RPL14: variants seen among roughly 807,000 people sequenced by gnomAD.
RPL14 encodes ribosomal protein L14, also known as large ribosomal subunit protein eL14.
In RPL14, 4 loss-of-function variants were observed where a neutral mutation model predicts 25.3. That is an observed-to-expected ratio of 0.16 (90% CI 0.08 to 0.36). The LOEUF (loss-of-function observed/expected upper bound fraction) is 0.36. Ranked by LOEUF, RPL14 falls within the 10% of genes least tolerant of loss-of-function variation. The pLI is 1.00. For synonymous variants in RPL14, 75 were observed against 89.8 expected, an observed-to-expected ratio of 0.84 and a Z score of 0.93; for missense variants, 212 against 261.9, an observed-to-expected ratio of 0.81 and a Z score of 1.31.
chr3:40,458,104 AT>A, intron 2 of RPL14, 113 bp downstream of exon 2: 2 of 860,698 alleles, frequency 2.3e-6, no homozygotes, highest in Non-Finnish European at 3.8e-6. Flanking sequence ...TAGTCGCTTT[AT>A]TTTACCATTG....
chr3:40,459,858 C>CAAAAAAAAA lies in RPL14; in HGVS notation c.200+1136_200+1144dup, dbSNP rs10682822. Among the ~76,000 whole-genome samples the CAAAAAAAAA allele has an allele frequency of 1.9e-3, 173 of 90,942 alleles. 10 individuals are homozygous for CAAAAAAAAA. Among genetic ancestry groups the CAAAAAAAAA allele is most frequent in the African/African-American group, 7.8e-3 (165 of 21,248 alleles). 59.7% of individuals were successfully genotyped at this position (90,942 alleles called of 152,430 possible). A position where few individuals can be genotyped will look rare whatever the true frequency, so the allele number is the denominator to read the frequency against. On this transcript the variant is annotated intron_variant, in intron 3 of 5. Transcript: ENST00000396203. ...TGGGTGACAGAGCGAGACTCCGTTT[C>CAAAAAAAAA]AAAAAAAAAAAAAAAAAAAAAACTT...
rs763859368 is a variant in RPL14 at position 40,462,079 on chromosome 3, G to C, written c.495G>C (p.Lys165Asn). Residue 165 changes from lysine to asparagine, a missense_variant, in exon 6 of 6, where the codon AAG (lysine) becomes AAC (asparagine). Coordinates refer to ENST00000396203, the MANE Select transcript of RPL14 (RefSeq NM_001034996.3). ...CTGCTGCTAAAGTTCCAGCAAAAAAGATCACCGCCGCGAGTAAAAAGGCTC... is the reference window on the plus strand; with the variant it reads ...CTGCTGCTAAAGTTCCAGCAAAAAACATCACCGCCGCGAGTAAAAAGGCTC... ...AAAAAKVPAK[K>N]ITAASKKAPA... The C allele has an allele frequency of 1.3e-6, 2 of 1,523,788 alleles. No individual in the cohort carries two copies. The highest frequency in any genetic ancestry group is 1.8e-6 in the Non-Finnish European group (2 of 1,122,526). 94.4% of individuals were successfully genotyped at this position (1,523,788 alleles called of 1,614,324 possible). A position where few individuals can be genotyped will look rare whatever the true frequency, so the allele number is the denominator to read the frequency against.
At chr3:40,459,574 G>A (rs1038085556) in intron 3 of RPL14, among the ~76,000 whole-genome samples, 1 of 152,100 alleles carries the variant, frequency 6.6e-6, no homozygotes, top group East Asian at 1.9e-4. Context: ...GCTGTATGTT[G>A]GCCGGGCGCG....
At chr3:40,458,560 G>A (rs41485644) in intron 2 of RPL14, 82 bp from the exon 3 acceptor site, 39,374 of 1,061,604 alleles carry the variant, frequency 0.037, 852 homozygotes, top group Non-Finnish European at 0.045. Flanking sequence ...GGCCCTGAAC[G>A]GATAAGTAAT....
intron 2 of RPL14, 138 bp downstream of exon 2, chr3:40,458,129 T>C (rs1359454239): frequency 1.4e-6 from 1 of 711,802 alleles, no homozygotes; most frequent in African/African-American, 1.8e-5. Flanking sequence ...AAACAGGTAA[T>C]GGTACGGGTT....
chr3:40,463,849 C>T lies in RPL14; in HGVS notation c.*1617C>T, dbSNP rs1434538239. ...TCCTAAGTGTTTCAGATAAGAGATA[C>T]TTATCCTGTGTATAGTAGGTTGGAC... On this transcript the variant is annotated 3_prime_UTR_variant, in exon 6 of 6. Coordinates refer to ENST00000396203, the MANE Select transcript of RPL14 (RefSeq NM_001034996.3). 2 of 152,668 alleles carry T rather than the reference C, an allele frequency of 1.3e-5. No individual in the cohort carries two copies. Among genetic ancestry groups the T allele is most frequent in the African/African-American group, 2.4e-5 (1 of 41,434 alleles). The allele number at this position is 152,668 out of a possible 1,614,324, so 9.5% of individuals were successfully genotyped here.
At position 40,462,487 on chromosome 3, in the gene RPL14, C is replaced by T; in HGVS notation, c.*255C>T. The T allele has an allele frequency of 6.0e-6, 2 of 332,678 alleles. No homozygotes were observed. The highest frequency in any genetic ancestry group is 4.7e-5 in the South Asian group (1 of 21,112). The allele number at this position is 332,678 out of a possible 1,614,324, so 20.6% of individuals were successfully genotyped here. ...CACCTCCCGGGTTCATGCCATTCTC[C>T]TGCCTCAGCCTCCTGAGCAGCTGGG... On this transcript the variant is annotated 3_prime_UTR_variant, in exon 6 of 6. Coordinates refer to ENST00000396203, the MANE Select transcript of RPL14 (RefSeq NM_001034996.3).
At chr3:40,461,149 T>C (rs1696930702) in intron 3 of RPL14, among the ~76,000 whole-genome samples, 1 of 151,868 alleles carries the variant, frequency 6.6e-6, no homozygotes, top group African/African-American at 2.4e-5. Context: ...TGAGCCATGA[T>C]CATACTATTG....
chr3:40,459,622 G>C (rs1013440612), intron 3 of RPL14, among the ~76,000 whole-genome samples: 1 of 152,178 alleles, frequency 6.6e-6, no homozygotes, highest in East Asian at 1.9e-4. Context: ...TTGGAAGGCC[G>C]AGGCGGGTGG....
chr3:40,459,315 C>G (rs1696894721), intron 3 of RPL14, among the ~76,000 whole-genome samples: 1 of 152,152 alleles, frequency 6.6e-6, no homozygotes, highest in Admixed American at 6.5e-5. Context: ...AAGTAAACAA[C>G]AATACTAAGT....
rs1009601454 is a variant in RPL14 at position 40,462,346 on chromosome 3, T to C, written c.*114T>C. The C allele has an allele frequency of 2.8e-5, 26 of 927,766 alleles. No homozygotes were observed. The African/African-American group carries it at 3.7e-4, about 13-fold the overall frequency. The allele number at this position is 927,766 out of a possible 1,614,324, so 57.5% of individuals were successfully genotyped here. ...GTTAGGAGGCAGATTGATAGTAGGA[T>C]TATAATAAACATTAAATAATCAGTT... On this transcript the variant is annotated 3_prime_UTR_variant, in exon 6 of 6. Coordinates refer to ENST00000396203, the MANE Select transcript of RPL14 (RefSeq NM_001034996.3).
At chr3:40,458,615 C>T in intron 2 of RPL14, 27 bp from the exon 3 acceptor site, 1 of 1,594,222 alleles carries the variant, frequency 6.3e-7, no homozygotes, top group Non-Finnish European at 8.6e-7. Context: ...AGATTTTGCA[C>T]TGAAGTTCTT....
chr3:40,459,342 C>T (rs1043478481), intron 3 of RPL14, among the ~76,000 whole-genome samples: 1 of 152,176 alleles, frequency 6.6e-6, no homozygotes, highest in East Asian at 1.9e-4. Flanking sequence ...TTTATTGCTA[C>T]TAGCTATCAT....
intron 3 of RPL14, 186 bp downstream of exon 3, chr3:40,458,922 T>C: frequency 1.8e-6 from 1 of 557,344 alleles, no homozygotes; most frequent in East Asian, 3.2e-5. Flanking sequence ...ATGCCTGTAA[T>C]CCCAGTACTT....
chr3:40,460,638 G>C (rs1188136774), intron 3 of RPL14, among the ~76,000 whole-genome samples: 2 of 151,380 alleles, frequency 1.3e-5, no homozygotes, highest in Non-Finnish European at 2.9e-5. Context: ...TTTTGACACG[G>C]AGTCTCACTT....
chr3:40,461,575 G>A (rs1696937649), intron 4 of RPL14, 33 bp from the exon 5 acceptor site: 1 of 1,599,644 alleles, frequency 6.3e-7, no homozygotes, highest in South Asian at 1.1e-5. Context: ...GTGTGAGAGG[G>A]ATAATTTTTA....
intron 2 of RPL14, 176 bp from the exon 3 acceptor site, chr3:40,458,466 C>A: frequency 1.7e-6 from 1 of 598,206 alleles, no homozygotes; most frequent in Non-Finnish European, 3.0e-6. Flanking sequence ...TTGTGTTGAG[C>A]AAAAGACATA....
rs145080197 is a variant in RPL14 at position 40,464,685 on chromosome 3, G to T, written c.*2453G>T. On this transcript the variant is annotated 3_prime_UTR_variant, in exon 6 of 6. Coordinates refer to ENST00000396203, the MANE Select transcript of RPL14 (RefSeq NM_001034996.3). ...TATGGGATCAAGACTGGGAATGCTC[G>T]GGTTGGCAGTATGAAGTTTGGCAGT... 1 of 334,692 alleles carries T rather than the reference G, an allele frequency of 3.0e-6. No individual in the cohort carries two copies. Among genetic ancestry groups the T allele is most frequent in the Non-Finnish European group, 6.0e-6 (1 of 165,292 alleles). The allele number at this position is 334,692 out of a possible 1,614,324, so 20.7% of individuals were successfully genotyped here.
Position 40,461,392 on chromosome 3 carries a change from C to G in RPL14, c.201-15C>G. 1 of 1,611,386 alleles carries G rather than the reference C, an allele frequency of 6.2e-7. No homozygotes were observed. The highest frequency in any genetic ancestry group is 1.3e-5 in the African/African-American group (1 of 74,974). On this transcript the variant is annotated splice_polypyrimidine_tract_variant and intron_variant, in intron 3 of 5. Transcript: ENST00000396203. ...CAAAGCTGATTTCTTAATCTGTGGT[C>G]TTGGCTCGTTCTAGTGCCCACCAGA...
Sources: gnomAD v4.1 joint callset for allele counts (sites outside exome capture counted in the v4.1 genomes callset) on GRCh38, gnomAD v4.1.1 for gene constraint, MANE v1.5 for transcripts, NCBI Gene and HGNC (gene_info 2026-07-23, HGNC 2026-07-21) for gene names.